Variants in GPR3 observed in about 807,000 individuals in gnomAD.
GPR3 encodes ACCA orphan receptor.
Under a neutral mutation model 18.2 loss-of-function variants are expected in GPR3, and 16 were observed. The ratio of observed to expected loss-of-function variants is 0.88; its 90% CI spans 0.60 to 1.34. The LOEUF (loss-of-function observed/expected upper bound fraction) is 1.34. Ranked by LOEUF, GPR3 falls within the 40% of genes most tolerant of loss-of-function variation. The probability of loss-of-function intolerance (pLI) is 0.00; values close to 1 mark genes in which losing one functional copy is unlikely to be tolerated. For synonymous variants in GPR3, 183 were observed against 188.9 expected (o/e 0.97, Z 0.26); for missense variants, 326 against 427.6 (o/e 0.76, Z 2.10).
chr1:27,393,204 C>T (rs2016506499), intron 1 of GPR3, among the ~76,000 whole-genome samples: 1 of 129,278 alleles, frequency 7.7e-6, no homozygotes. Flanking sequence ...AGGGTCCAGC[C>T]AGGAACAGAA....
In GPR3 at chr1:27,394,475, A is replaced by G; in HGVS notation, c.677A>G (p.Gln226Arg). Residue 226 changes from glutamine to arginine, a missense_variant, in exon 2 of 2, where the codon CAG becomes CGG. By Grantham distance (43) the Gln-to-Arg change is conservative. Coordinates refer to ENST00000374024, the MANE Select transcript of GPR3 (RefSeq NM_005281.4). ...ICRIVCRHAQ[Q>R]IALQRHLLPA... is the part of the protein sequence containing the mutation. ...CGCATCGTCTGCCGCCATGCCCAGC[A>G]GATTGCCCTTCAGCGGCACCTGCTG... The G allele has an allele frequency of 6.2e-7, 1 of 1,614,144 alleles. No individual in the cohort carries two copies. Among genetic ancestry groups the G allele is most frequent in the Non-Finnish European group, 8.5e-7 (1 of 1,180,036 alleles).
chr1:27,392,764 C>T (rs2016500977), intron 1 of GPR3, 27 bp downstream of exon 1: 1 of 152,196 alleles, frequency 6.6e-6, no homozygotes, highest in Non-Finnish European at 1.5e-5. Flanking sequence ...GCCGCGGGCA[C>T]CAGGGGTCCT....
rs773758112 is a variant in GPR3, at chr1:27,394,000, A to T, written c.202A>T (p.Thr68Ser). Residue 68 changes from threonine to serine, a missense_variant, in exon 2 of 2, where the codon ACT (threonine) becomes TCT (serine). Transcript: ENST00000374024. Reference sequence around the variant, plus strand: ...GCTAGTGGTGGCCATCATCGTGGGCACTCCTGCCTTCCGTGCCCCCATGTT... The same window carrying T: ...GCTAGTGGTGGCCATCATCGTGGGCTCTCCTGCCTTCCGTGCCCCCATGTT... ...NALVVAIIVGTPAFRAPMFLL... is the reference protein window; with the variant it reads ...NALVVAIIVGSPAFRAPMFLL... 5.0e-6 allele frequency: 8 copies of T among 1,611,496 alleles called. No homozygotes were observed. Among genetic ancestry groups the T allele is most frequent in the Non-Finnish European group, 6.8e-6 (8 of 1,179,582 alleles).
At chr1:27,393,222 A>C in intron 1 of GPR3, among the ~76,000 whole-genome samples, 1 of 68,218 alleles carries the variant, frequency 1.5e-5, no homozygotes, top group South Asian at 5.8e-4. Context: ...GAAGTCTGGG[A>C]GGGTGGGGGG....
chr1:27,395,078 A>G lies in GPR3; in HGVS notation c.*287A>G. ...GTTTTACAGTGCCATTCCAAGTCCC[A>G]GATGTCCCTCTTCCCCCAAACTTGA... On this transcript the variant is annotated 3_prime_UTR_variant, in exon 2 of 2. Coordinates refer to ENST00000374024, the MANE Select transcript of GPR3 (RefSeq NM_005281.4). 2 of 428,668 alleles carry G rather than the reference A, an allele frequency of 4.7e-6. No homozygotes were observed. Among genetic ancestry groups the G allele is most frequent in the Non-Finnish European group, 8.6e-6 (2 of 231,434 alleles). The allele number at this position is 428,668 out of a possible 1,614,324, so 26.6% of individuals were successfully genotyped here.
Position 27,393,972 on chromosome 1 carries a change from T to C in GPR3, c.174T>C (p.Asn58=), listed in dbSNP as rs1460880316. ...CAGGCACCCTGGTGTCCTGCGAGAATGCGCTAGTGGTGGCCATCATCGTGG... is the reference window on the plus strand; with the variant it reads ...CAGGCACCCTGGTGTCCTGCGAGAACGCGCTAGTGGTGGCCATCATCGTGG... ...CISGTLVSCE[N]ALVVAIIVGT... The change falls in exon 2 of 2, where the codon AAT becomes AAC. Residue 58 remains asparagine, a synonymous_variant. Transcript: ENST00000374024. 1.9e-6 allele frequency: 3 copies of C among 1,611,500 alleles called. No homozygotes were observed. The African/African-American group carries it at 4.0e-5, about 21-fold the overall frequency.
Position 27,394,899 on chromosome 1 carries a change from G to T in GPR3, c.*108G>T. The T allele has an allele frequency of 8.2e-7, 1 of 1,215,586 alleles. No individual in the cohort carries two copies. The highest frequency in any genetic ancestry group is 1.2e-6 in the Non-Finnish European group (1 of 854,420). The allele number at this position is 1,215,586 out of a possible 1,614,324, so 75.3% of individuals were successfully genotyped here. On this transcript the variant is annotated 3_prime_UTR_variant, in exon 2 of 2. Coordinates refer to ENST00000374024, the MANE Select transcript of GPR3 (RefSeq NM_005281.4). ...GCTCCACACCCCCCAGACCCAGCTG[G>T]TTCTGGAGTTCTAGGACATTGGGTG...
At position 27,393,966 on chromosome 1, in the gene GPR3, C is replaced by T. The variant is rs137856818; in HGVS notation, c.168C>T (p.Cys56=). 1,395 of 1,611,266 alleles carry T rather than the reference C, an allele frequency of 8.7e-4. 1 individual carries two copies. Among genetic ancestry groups the T allele is most frequent in the Non-Finnish European group, 1.1e-3 (1,333 of 1,179,300 alleles). The change falls in exon 2 of 2, where the codon TGC becomes TGT. Residue 56 remains cysteine, a synonymous_variant. Coordinates refer to ENST00000374024, the MANE Select transcript of GPR3 (RefSeq NM_005281.4). ...GCATCTCAGGCACCCTGGTGTCCTG[C>T]GAGAATGCGCTAGTGGTGGCCATCA... ...VLCISGTLVS[C]ENALVVAIIV...
chr1:27,394,368 C>T lies in GPR3; in HGVS notation c.570C>T (p.Leu190=), dbSNP rs553507369. The change falls in exon 2 of 2, where the codon CTC becomes CTT. Residue 190 remains leucine, a synonymous_variant. Coordinates refer to ENST00000374024, the MANE Select transcript of GPR3 (RefSeq NM_005281.4). ...GLTTCGVVYP[L]SKNHLVVLAI... ...CCACATGTGGCGTGGTTTATCCACTCTCCAAGAACCATCTGGTAGTTCTGG... is the reference window on the plus strand; with the variant it reads ...CCACATGTGGCGTGGTTTATCCACTTTCCAAGAACCATCTGGTAGTTCTGG... 4 of 1,614,102 alleles carry T rather than the reference C, an allele frequency of 2.5e-6. No individual in the cohort carries two copies. Among genetic ancestry groups the T allele is most frequent in the African/African-American group, 2.7e-5 (2 of 75,042 alleles).
At chr1:27,393,677 A>C (rs2016511197) in intron 1 of GPR3, 117 bp from the exon 2 acceptor site, 1 of 859,716 alleles carries the variant, frequency 1.2e-6, no homozygotes, top group Non-Finnish European at 1.8e-6. Flanking sequence ...TTGGGACCCT[A>C]TCAGGTATCC....
In GPR3 at chr1:27,395,435, C is replaced by T. The variant is rs558303996; in HGVS notation, c.*644C>T. Reference sequence around the variant, plus strand: ...TTTTTTATCGAAGAGATCATAGAAACCAGAGCCTTCTCCCCAGGCCTGCCC... The same window carrying T: ...TTTTTTATCGAAGAGATCATAGAAATCAGAGCCTTCTCCCCAGGCCTGCCC... On this transcript the variant is annotated 3_prime_UTR_variant, in exon 2 of 2. Transcript: ENST00000374024. 2.3e-3 allele frequency: 379 copies of T among 167,278 alleles called. No individual in the cohort carries two copies. Among genetic ancestry groups the T allele is most frequent in the Non-Finnish European group, 3.4e-3 (231 of 68,166 alleles). 10.4% of individuals were successfully genotyped at this position (167,278 alleles called of 1,614,324 possible).
chr1:27,393,621 C>T (rs555562257), intron 1 of GPR3, among the ~76,000 whole-genome samples, 173 bp from the exon 2 acceptor site: 22 of 152,226 alleles, frequency 1.4e-4, no homozygotes, highest in South Asian at 8.3e-4. Context: ...GAGGGGACAG[C>T]GGTATCCTGG....
At position 27,393,780 on chromosome 1, in the gene GPR3, C is replaced by T; in HGVS notation, c.-5-14C>T. 2.6e-6 allele frequency: 4 copies of T among 1,520,876 alleles called. No homozygotes were observed. The highest frequency in any genetic ancestry group is 3.5e-6 in the Non-Finnish European group (4 of 1,134,476). 94.2% of individuals were successfully genotyped at this position (1,520,876 alleles called of 1,614,324 possible). On this transcript the variant is annotated splice_polypyrimidine_tract_variant and intron_variant, in intron 1 of 1. Transcript: ENST00000374024. Reference sequence around the variant, plus strand: ...CCAGCTTGGTCAGCTTCTCACAAGGCCTTTCTCCTGCAGGTACCATGATGT... The same window carrying T: ...CCAGCTTGGTCAGCTTCTCACAAGGTCTTTCTCCTGCAGGTACCATGATGT...
At chr1:27,393,111 G>A (rs1458922049) in intron 1 of GPR3, among the ~76,000 whole-genome samples, 1 of 151,806 alleles carries the variant, frequency 6.6e-6, no homozygotes, top group African/African-American at 2.4e-5. Context: ...CCAGGTGTCC[G>A]GGCAGAAGGA....
At position 27,393,901 on chromosome 1, in the gene GPR3, G is replaced by A. The variant is rs116605856; in HGVS notation, c.103G>A (p.Ala35Thr). 64 of 1,609,290 alleles carry A rather than the reference G, an allele frequency of 4.0e-5. No homozygotes were observed. The highest frequency in any genetic ancestry group is 5.3e-5 in the African/African-American group (4 of 75,022). ...GPAEGPTGPA[A>T]PLPSPKAWDV... ...AGCAGAGGGGCCCACAGGTCCAGCC[G>A]CACCACTGCCCTCGCCTAAGGCCTG... The change falls in exon 2 of 2, where the codon GCA becomes ACA. Residue 35 changes from alanine (A) to threonine (T), a missense_variant. By Grantham distance (58) the Ala-to-Thr change is moderately conservative (BLOSUM62 0). Coordinates refer to ENST00000374024, the MANE Select transcript of GPR3 (RefSeq NM_005281.4).
Position 27,394,370 on chromosome 1 carries a change from C to A in GPR3, c.572C>A (p.Ser191Tyr), listed in dbSNP as rs967227566. ...LTTCGVVYPLSKNHLVVLAIA... is the reference protein window; with the variant it reads ...LTTCGVVYPLYKNHLVVLAIA... ...ACATGTGGCGTGGTTTATCCACTCT[C>A]CAAGAACCATCTGGTAGTTCTGGCC... The change falls in exon 2 of 2, where the codon TCC becomes TAC. Residue 191 changes from serine (S) to tyrosine (Y), a missense_variant. Coordinates refer to ENST00000374024, the MANE Select transcript of GPR3 (RefSeq NM_005281.4). 3 of 1,613,988 alleles carry A rather than the reference C, an allele frequency of 1.9e-6. No homozygotes were observed. The highest frequency in any genetic ancestry group is 2.7e-5 in the African/African-American group (2 of 74,912).
chr1:27,394,199 G>T lies in GPR3; in HGVS notation c.401G>T (p.Arg134Leu), dbSNP rs372066479. The stretch of plus-strand genomic sequence containing the variant: ...AGTCTACTGGCCATCACTGTCGACC[G>T]CTACCTTTCTCTGTACAATGCCCTC... ...IGSLLAITVD[R>L]YLSLYNALTY... The change falls in exon 2 of 2, where the codon CGC becomes CTC. Residue 134 changes from arginine to leucine, a missense_variant. Physicochemically the swap from Arg to Leu is moderately radical, Grantham distance 102. Transcript: ENST00000374024. 6.2e-7 allele frequency: 1 copy of T among 1,613,706 alleles called. No individual in the cohort carries two copies. Among genetic ancestry groups the T allele is most frequent in the Non-Finnish European group, 8.5e-7 (1 of 1,180,020 alleles).
At position 27,394,462 on chromosome 1, in the gene GPR3, C is replaced by T. The variant is rs888624926; in HGVS notation, c.664C>T (p.Arg222Cys). The T allele has an allele frequency of 8.1e-6, 13 of 1,614,044 alleles. No homozygotes were observed. The highest frequency in any genetic ancestry group is 1.0e-5 in the Non-Finnish European group (12 of 1,180,044). The change falls in exon 2 of 2, where the codon CGC (arginine) becomes TGC (cysteine). Residue 222 changes from arginine to cysteine, a missense_variant. Physicochemically the swap from Arg to Cys is radical, Grantham distance 180 (BLOSUM62 -3). Transcript: ENST00000374024. ...CGCCCAAATCTGCCGCATCGTCTGC[C>T]GCCATGCCCAGCAGATTGCCCTTCA... ...LYAQICRIVC[R>C]HAQQIALQRH...
rs868579874 is a variant in GPR3, at chr1:27,395,454, C to A, written c.*663C>A. The A allele has an allele frequency of 6.0e-6, 1 of 167,172 alleles. No homozygotes were observed. Among genetic ancestry groups the A allele is most frequent in the Non-Finnish European group, 1.5e-5 (1 of 68,156 alleles). 10.4% of individuals were successfully genotyped at this position (167,172 alleles called of 1,614,324 possible). ...TAGAAACCAGAGCCTTCTCCCCAGG[C>A]CTGCCCTCCTCGGGTTTGGAAGGGG... is the stretch of plus-strand genomic sequence containing the variant. On this transcript the variant is annotated 3_prime_UTR_variant, in exon 2 of 2. Transcript: ENST00000374024.
Sources: allele counts gnomAD v4.1 joint callset (sites outside exome capture counted in the v4.1 genomes callset), GRCh38; gene constraint gnomAD v4.1.1; transcripts MANE v1.5; gene names NCBI Gene and HGNC (gene_info 2026-07-23, HGNC 2026-07-21).